Variants in NKAIN2 observed in about 807,000 individuals in gnomAD.
NKAIN2 encodes the protein sodium/potassium-transporting ATPase subunit beta-1-interacting protein 2.
In NKAIN2, 14 loss-of-function variants were observed where a neutral mutation model predicts 32.6. That is an observed-to-expected ratio of 0.43 (90% CI 0.28 to 0.67). The LOEUF is 0.67. Among genes scored for constraint, NKAIN2 ranks in the 30% least tolerant of loss-of-function variants. The probability of loss-of-function intolerance (pLI) is 0.17; values close to 1 mark genes in which losing one functional copy is unlikely to be tolerated. For synonymous variants in NKAIN2, 80 were observed against 87.2 expected (o/e 0.92, Z 0.46); for missense variants, 198 against 258.3 (o/e 0.77, Z 1.60).
At chr6:124,419,672 G>T (rs979255508) in intron 3 of NKAIN2, among the ~76,000 whole-genome samples, 2 of 152,072 alleles carry the variant, frequency 1.3e-5, no homozygotes, top group Admixed American at 1.3e-4. Flanking sequence ...AACAATAGAA[G>T]ACATAAGATA....
rs1582745508 is a variant in NKAIN2 at position 124,151,508 on chromosome 6, C to G, written c.55-131497C>G. On this transcript the variant is annotated intron_variant, in intron 1 of 6. Transcript: ENST00000368417. ...ACTTACGTGTCTGTCTTTTGGTGGA[C>G]ATATGAACTAATTTCTTATGGTTGT... Among the ~76,000 whole-genome samples, 4 of 152,004 alleles carry G rather than the reference C, an allele frequency of 2.6e-5. No individual in the cohort carries two copies. In the East Asian group the frequency reaches 7.7e-4, roughly 29 times the overall value.
intron 1 of NKAIN2, among the ~76,000 whole-genome samples, chr6:124,159,679 TG>T (rs1379709647): frequency 4.6e-5 from 7 of 152,118 alleles, no homozygotes. Flanking sequence ...TGAACTGACC[TG>T]TTGGTGTCAG....
At chr6:123,973,108 C>T (rs1018754055) in intron 1 of NKAIN2, among the ~76,000 whole-genome samples, 2 of 152,072 alleles carry the variant, frequency 1.3e-5, no homozygotes, top group African/African-American at 4.8e-5. Flanking sequence ...TGGGTTTCAT[C>T]TCTAAGCAAT....
At chr6:124,218,426 G>A (rs1791603922) in intron 1 of NKAIN2, among the ~76,000 whole-genome samples, 2 of 151,994 alleles carry the variant, frequency 1.3e-5, no homozygotes, top group African/African-American at 4.8e-5. Flanking sequence ...TCATATAAAT[G>A]ACACTTTTCA....
chr6:124,623,820 A>G (rs1472978282), intron 3 of NKAIN2, among the ~76,000 whole-genome samples: 1 of 152,150 alleles, frequency 6.6e-6, no homozygotes, highest in Non-Finnish European at 1.5e-5. Context: ...ATGTAGAAGG[A>G]GAGATGGCAG....
intron 1 of NKAIN2, among the ~76,000 whole-genome samples, chr6:124,125,237 CTCTT>C (rs1463811313): frequency 6.6e-6 from 1 of 152,208 alleles, no homozygotes; most frequent in East Asian, 1.9e-4. Flanking sequence ...AGTCAGTTCT[CTCTT>C]TCTGTCTCTG....
intron 3 of NKAIN2, among the ~76,000 whole-genome samples, chr6:124,357,460 A>T (rs1298775975): frequency 2.0e-5 from 3 of 152,174 alleles, no homozygotes; most frequent in African/African-American, 7.2e-5. Flanking sequence ...GAAACTCAAA[A>T]ATGGTACATA....
intron 1 of NKAIN2, among the ~76,000 whole-genome samples, chr6:124,180,799 C>T (rs377059086): frequency 2.0e-5 from 3 of 152,290 alleles, no homozygotes; most frequent in South Asian, 4.1e-4. Context: ...GTACAGCCTC[C>T]CTCCTGGCTG....
intron 3 of NKAIN2, among the ~76,000 whole-genome samples, chr6:124,399,202 C>T (rs1229925753): frequency 6.6e-6 from 1 of 152,218 alleles, no homozygotes; most frequent in Admixed American, 6.5e-5. Context: ...GCTGTGATTA[C>T]AAGCATGAGC....
chr6:124,329,843 G>C (rs1346353639), intron 2 of NKAIN2, among the ~76,000 whole-genome samples: 1 of 152,188 alleles, frequency 6.6e-6, no homozygotes, highest in Non-Finnish European at 1.5e-5. Flanking sequence ...TAGCAATACA[G>C]TATTTTCTAA....
At position 123,821,962 on chromosome 6, in the gene NKAIN2, A is replaced by G. The variant is rs544934484; in HGVS notation, c.54+17708A>G. Among the ~76,000 whole-genome samples, 10 of 147,320 alleles carry G rather than the reference A, an allele frequency of 6.8e-5. 1 individual carries two copies. In the South Asian group the frequency reaches 2.0e-3, roughly 30 times the overall value. ...TGAACACTTTTTCTTTTCAGCATCC[A>G]TTTTTATATTGATGACTTTTCCCTT... is the stretch of plus-strand genomic sequence containing the variant. On this transcript the variant is annotated intron_variant, in intron 1 of 6. Transcript: ENST00000368417.
At chr6:124,400,133 A>G (rs1293480802) in intron 3 of NKAIN2, among the ~76,000 whole-genome samples, 2 of 152,194 alleles carry the variant, frequency 1.3e-5, no homozygotes, top group Non-Finnish European at 2.9e-5. Flanking sequence ...GCCATCAGAC[A>G]GGTCAGTGGT....
chr6:123,997,596 TC>T (rs1582903469), intron 1 of NKAIN2, among the ~76,000 whole-genome samples: 3 of 137,402 alleles, frequency 2.2e-5, no homozygotes, highest in Non-Finnish European at 3.0e-5. Flanking sequence ...TGGAGTTTAT[TC>T]TTTTTTTTTT....
At chr6:124,355,214 A>T (rs1252317690) in intron 2 of NKAIN2, 53 bp from the exon 3 acceptor site, 1 of 1,187,038 alleles carries the variant, frequency 8.4e-7, no homozygotes, top group Non-Finnish European at 1.3e-6. Context: ...TTTGAATCAT[A>T]CTCAACTGAT....
At chr6:123,970,697 G>A (rs1481913206) in intron 1 of NKAIN2, among the ~76,000 whole-genome samples, 3 of 151,810 alleles carry the variant, frequency 2.0e-5, no homozygotes, top group Non-Finnish European at 4.4e-5. Context: ...TGGGTAACAC[G>A]GTGAAACCCC....
At chr6:124,224,661 G>GTTAT (rs1250691692) in intron 1 of NKAIN2, among the ~76,000 whole-genome samples, 1 of 152,034 alleles carries the variant, frequency 6.6e-6, no homozygotes, top group Non-Finnish European at 1.5e-5. Flanking sequence ...CTAAGAGATG[G>GTTAT]TTATTTAATT....
intron 2 of NKAIN2, among the ~76,000 whole-genome samples, chr6:124,297,373 C>G (rs187278831): frequency 2.7e-3 from 417 of 152,074 alleles, no homozygotes; most frequent in Non-Finnish European, 4.6e-3. Flanking sequence ...ATAATAAGAA[C>G]AGAAAACATA....
intron 1 of NKAIN2, among the ~76,000 whole-genome samples, chr6:124,224,148 A>G (rs1406001227): frequency 6.6e-6 from 1 of 152,158 alleles, no homozygotes; most frequent in African/African-American, 2.4e-5. Flanking sequence ...TTCTGCATAC[A>G]TTTACATTCA....
chr6:123,854,619 A>T (rs1212201867), intron 1 of NKAIN2, among the ~76,000 whole-genome samples: 2 of 152,200 alleles, frequency 1.3e-5, no homozygotes, highest in African/African-American at 4.8e-5. Context: ...TCTTCCAAGC[A>T]ACCCTACAAA....
Sources: gnomAD v4.1 joint callset for allele counts (sites outside exome capture counted in the v4.1 genomes callset) on GRCh38, gnomAD v4.1.1 for gene constraint, MANE v1.5 for transcripts, NCBI Gene and HGNC (gene_info 2026-07-23, HGNC 2026-07-21) for gene names.